The following LRCH1 variants were observed in gnomAD, a reference collection of about 807,000 sequenced individuals.
LRCH1 encodes the protein leucine rich repeats and calponin homology domain containing 1.
LRCH1 carries 23 observed loss-of-function variants against 94.9 expected under a neutral mutation model. The ratio of observed to expected loss-of-function variants is 0.24; its 90% confidence interval spans 0.17 to 0.34. The LOEUF (loss-of-function observed/expected upper bound fraction) is 0.34. LRCH1 is among the 10% of genes least tolerant of loss of function. LRCH1 has a pLI of 1.00. For synonymous variants in LRCH1, 364 were observed against 354.9 expected (o/e 1.03, Z -0.29); for missense variants, 790 against 945.9 (o/e 0.84, Z 2.16).
At position 46,685,932 on chromosome 13, in the gene LRCH1, T is replaced by C; in HGVS notation, c.713T>C (p.Phe238Ser). 6.2e-7 allele frequency: 1 copy of C among 1,605,902 alleles called. No homozygotes were observed. The highest frequency in any genetic ancestry group is 8.5e-7 in the Non-Finnish European group (1 of 1,177,064). The change falls in exon 5 of 20, where the codon TTT becomes TCT. Residue 238 changes from phenylalanine (F) to serine (S), a missense_variant. Physicochemically the swap from Phe to Ser is radical, Grantham distance 155 (BLOSUM62 -2). Around this residue, in one of 3 missense-constraint regions of LRCH1, gnomAD observed 194 missense variants for 293.5 expected, o/e 0.66. Transcript: ENST00000389797. ...CTAGTAGATCTTTCCTTGGTAAAGT[T>C]TGACTTTTCCTGCAACAAAGTGCTC... ...QELVDLSLVKFDFSCNKVLVI... is the reference protein window; with the variant it reads ...QELVDLSLVKSDFSCNKVLVI...
At chr13:46,591,785 C>T (rs997815229) in intron 1 of LRCH1, among the ~76,000 whole-genome samples, 9 of 152,200 alleles carry the variant, frequency 5.9e-5, no homozygotes, top group African/African-American at 1.9e-4. Flanking sequence ...AAAATAGGGG[C>T]TTGGAGCCTG....
At chr13:46,574,413 C>T (rs2050278513) in intron 1 of LRCH1, among the ~76,000 whole-genome samples, 1 of 151,994 alleles carries the variant, frequency 6.6e-6, no homozygotes, top group African/African-American at 2.4e-5. Flanking sequence ...GAGCTTCCAG[C>T]TAGTCAAGTG....
intron 2 of LRCH1, among the ~76,000 whole-genome samples, chr13:46,664,670 C>T (rs537293204): frequency 6.6e-6 from 1 of 152,264 alleles, no homozygotes; most frequent in East Asian, 1.9e-4. Context: ...GCTGAGCACA[C>T]CTATGCTCTC....
intron 14 of LRCH1, 65 bp from the exon 15 acceptor site, chr13:46,712,460 C>A: frequency 8.0e-7 from 1 of 1,246,874 alleles, no homozygotes; most frequent in Non-Finnish European, 1.2e-6. Flanking sequence ...ACATAGAAAA[C>A]CATACATAGT....
At chr13:46,656,003 T>A (rs753133094) in intron 2 of LRCH1, among the ~76,000 whole-genome samples, 6 of 152,240 alleles carry the variant, frequency 3.9e-5, no homozygotes, top group African/African-American at 1.4e-4. Flanking sequence ...CAAAATGTTA[T>A]CACACCATAA....
intron 1 of LRCH1, among the ~76,000 whole-genome samples, chr13:46,599,763 C>T (rs1399417865): frequency 1.3e-5 from 2 of 152,094 alleles, no homozygotes; most frequent in Non-Finnish European, 2.9e-5. Context: ...CCTTATGTTA[C>T]CTTAGAACTG....
chr13:46,710,815 A>G (rs1422550159), intron 13 of LRCH1, among the ~76,000 whole-genome samples: 1 of 152,140 alleles, frequency 6.6e-6, no homozygotes, highest in African/African-American at 2.4e-5. Flanking sequence ...CCAATTTTTT[A>G]TTAGGGAGGA....
At chr13:46,596,489 A>G (rs1215421022) in intron 1 of LRCH1, among the ~76,000 whole-genome samples, 8 of 152,258 alleles carry the variant, frequency 5.3e-5, no homozygotes, top group Admixed American at 5.2e-4. Flanking sequence ...GCTGCTATGA[A>G]TAGCAAATTG....
At position 46,715,571 on chromosome 13, in the gene LRCH1, A is replaced by G. The variant is rs765250845; in HGVS notation, c.1666A>G (p.Ile556Val). 1.3e-6 allele frequency: 2 copies of G among 1,536,646 alleles called. No homozygotes were observed. The highest frequency in any genetic ancestry group is 1.4e-5 in the African/African-American group (1 of 73,006). The stretch of plus-strand genomic sequence containing the variant: ...TGGCTCCCCTGCAGACCCAGCCCTC[A>G]TTCTTCCTCCTATCTCCTTCAACAC... ...GLKPRSDPAL[I>V]LPPISFNTLT... The change falls in exon 16 of 20, where the codon ATT becomes GTT. Residue 556 changes from isoleucine (I) to valine (V), a missense_variant. This residue lies in a region of LRCH1 where 460 missense variants were observed against 508.9 expected (regional missense o/e 0.90). Transcript: ENST00000389797.
At chr13:46,600,765 A>C (rs1309593813) in intron 1 of LRCH1, among the ~76,000 whole-genome samples, 1 of 152,186 alleles carries the variant, frequency 6.6e-6, no homozygotes, top group Non-Finnish European at 1.5e-5. Context: ...TTTATGACTC[A>C]CATTATTTCA....
At chr13:46,587,440 T>G (rs2137954649) in intron 1 of LRCH1, among the ~76,000 whole-genome samples, 1 of 152,366 alleles carries the variant, frequency 6.6e-6, no homozygotes, top group East Asian at 1.9e-4. Flanking sequence ...TTCAGGACAC[T>G]TTTGATAATG....
intron 3 of LRCH1, among the ~76,000 whole-genome samples, chr13:46,671,416 A>C (rs1040427121): frequency 6.6e-6 from 1 of 152,212 alleles, no homozygotes; most frequent in African/African-American, 2.4e-5. Context: ...CCTGATAGGC[A>C]CCCAGCAGAT....
intron 3 of LRCH1, among the ~76,000 whole-genome samples, chr13:46,671,672 A>G (rs1378106584): frequency 6.6e-6 from 1 of 152,236 alleles, no homozygotes; most frequent in Admixed American, 6.5e-5. Flanking sequence ...TGCTTCTTTT[A>G]GGTATCTGAT....
rs60945943 is a variant in LRCH1, at chr13:46,562,212, C to T, written c.307+8509C>T. ...GATTTTCCTGTGAGAGCTGATTTTTCTCACATAGCCTCTTTTTACTTCTCA... is the reference window on the plus strand; with the variant it reads ...GATTTTCCTGTGAGAGCTGATTTTTTTCACATAGCCTCTTTTTACTTCTCA... On this transcript the variant is annotated intron_variant, in intron 1 of 19. Transcript: ENST00000389797. Among the ~76,000 whole-genome samples the T allele has an allele frequency of 6.2e-3, 937 of 152,296 alleles. 10 individuals carry two copies. Among genetic ancestry groups the T allele is most frequent in the African/African-American group, 0.021 (889 of 41,556 alleles).
intron 1 of LRCH1, among the ~76,000 whole-genome samples, chr13:46,611,227 A>G (rs1431125748): frequency 1.3e-5 from 2 of 152,152 alleles, no homozygotes; most frequent in African/African-American, 4.8e-5. Flanking sequence ...ACTGAACACC[A>G]TCGGTTTATG....
At chr13:46,693,565 G>T (rs1871022973) in intron 8 of LRCH1, among the ~76,000 whole-genome samples, 1 of 152,188 alleles carries the variant, frequency 6.6e-6, no homozygotes, top group African/African-American at 2.4e-5. Flanking sequence ...GCCCAGTCAG[G>T]TGACCTTGAT....
chr13:46,695,478 C>T (rs1312105684), intron 9 of LRCH1, among the ~76,000 whole-genome samples: 2 of 152,066 alleles, frequency 1.3e-5, no homozygotes, highest in Non-Finnish European at 2.9e-5. Flanking sequence ...TTTGTAGGTG[C>T]CCCGAGGCAT....
intron 1 of LRCH1, among the ~76,000 whole-genome samples, chr13:46,604,784 C>A (rs1040153454): frequency 6.6e-6 from 1 of 152,210 alleles, no homozygotes; most frequent in African/African-American, 2.4e-5. Flanking sequence ...CATCACAACA[C>A]TATCTACAGA....
chr13:46,751,744 G>A (rs570961825), exon 19 of LRCH1: 1 of 152,230 alleles, frequency 6.6e-6, no homozygotes, highest in Non-Finnish European at 1.5e-5. Flanking sequence ...GGAAAGTGGA[G>A]ATGATAAAAA....
Sources: allele counts gnomAD v4.1 joint callset (sites outside exome capture counted in the v4.1 genomes callset), GRCh38; gene constraint gnomAD v4.1.1; regional missense constraint gnomAD v4.1.1; transcripts MANE v1.5; gene names NCBI Gene and HGNC (gene_info 2026-07-23, HGNC 2026-07-21).